MEGF10: variants seen among roughly 807,000 people sequenced by gnomAD.
The protein encoded by MEGF10 is multiple EGF like domains 10.
Under a neutral mutation model 147.5 loss-of-function variants are expected in MEGF10, and 86 were observed. The ratio of observed to expected loss-of-function variants is 0.58; its 90% CI spans 0.49 to 0.70. The LOEUF is 0.70. MEGF10 is among the 30% of genes least tolerant of loss of function. The pLI, the probability that MEGF10 is intolerant of heterozygous loss-of-function variation, is 0.00. For synonymous variants in MEGF10, 478 were observed against 525.5 expected, an observed-to-expected ratio of 0.91 and a Z score of 1.24; for missense variants, 1,329 against 1,487.3, an observed-to-expected ratio of 0.89 and a Z score of 1.75.
At chr5:127,235,463 C>G in the MEGF10 span, among the ~76,000 whole-genome samples, 1 of 152,224 alleles carries the variant, frequency 6.6e-6, no homozygotes, top group African/African-American at 2.4e-5. Flanking sequence ...CTCTCTAATC[C>G]ATTGCTACCC....
the MEGF10 span, among the ~76,000 whole-genome samples, chr5:127,236,540 A>C: frequency 6.6e-6 from 1 of 152,188 alleles, no homozygotes; most frequent in Non-Finnish European, 1.5e-5. Context: ...CTCTAGACTC[A>C]TCTCCTACCC....
At chr5:127,418,039 A>C (rs1038391611) in intron 10 of MEGF10, among the ~76,000 whole-genome samples, 1 of 152,046 alleles carries the variant, frequency 6.6e-6, no homozygotes, top group Non-Finnish European at 1.5e-5. Flanking sequence ...ATTAATTTTT[A>C]ATATAAACAC....
chr5:127,352,688 C>T (rs887318948), intron 4 of MEGF10, among the ~76,000 whole-genome samples: 2 of 151,850 alleles, frequency 1.3e-5, no homozygotes, highest in African/African-American at 2.4e-5. Flanking sequence ...AAAAAAAAAG[C>T]GTTTATTTAC....
At chr5:127,370,139 C>G (rs115528198) in intron 5 of MEGF10, 137 bp downstream of exon 5, 37 of 562,574 alleles carry the variant, frequency 6.6e-5, no homozygotes, top group Non-Finnish European at 1.0e-4. Flanking sequence ...CCAACTCAGT[C>G]ATACAGTTTC....
chr5:127,339,059 T>C, intron 2 of MEGF10, 61 bp from the exon 3 acceptor site: 1 of 1,035,386 alleles, frequency 9.7e-7, no homozygotes, highest in South Asian at 1.7e-5. Flanking sequence ...TTTAAATACA[T>C]AGTATATTAT....
intron 8 of MEGF10, chr5:127,409,977 T>A: frequency 5.9e-6 from 1 of 169,402 alleles, no homozygotes; most frequent in Non-Finnish European, 1.3e-5. Context: ...TGACACAGAG[T>A]TTTCTCTTTG....
At chr5:127,245,378 A>AT in the MEGF10 span, among the ~76,000 whole-genome samples, 1 of 152,216 alleles carries the variant, frequency 6.6e-6, no homozygotes, top group South Asian at 2.1e-4. Context: ...TATTTAATAG[A>AT]TGGTGTTGGG....
chr5:127,345,481 A>C lies in MEGF10; in HGVS notation c.319+4851A>C, dbSNP rs2126809923. On this transcript the variant is annotated intron_variant, in intron 4 of 24. Coordinates refer to ENST00000503335, the MANE Select transcript of MEGF10 (RefSeq NM_001256545.2). ...GAGTGTGGGCAACAGTGTGGTTAGAAGCCTTTTCTTAGAATGTGATTAGAA... is the reference window on the plus strand; with the variant it reads ...GAGTGTGGGCAACAGTGTGGTTAGACGCCTTTTCTTAGAATGTGATTAGAA... 2.6e-5 allele frequency among the ~76,000 whole-genome samples: 4 copies of C among 152,288 alleles called. No homozygotes were observed. The Middle Eastern group carries it at 0.01, about 388-fold the overall frequency.
chr5:127,333,920 T>C (rs1480912967), intron 2 of MEGF10, among the ~76,000 whole-genome samples: 3 of 152,228 alleles, frequency 2.0e-5, no homozygotes, highest in South Asian at 4.1e-4. Context: ...GGAAATTGAA[T>C]GTGAACAAAT....
the MEGF10 span, among the ~76,000 whole-genome samples, chr5:127,246,886 T>G: frequency 2.8e-5 from 4 of 144,014 alleles, no homozygotes; most frequent in Non-Finnish European, 6.0e-5. Flanking sequence ...ATAGTATATA[T>G]TATACAATAA....
At chr5:127,269,500 T>A in the MEGF10 span, among the ~76,000 whole-genome samples, 1 of 152,162 alleles carries the variant, frequency 6.6e-6, no homozygotes, top group South Asian at 2.1e-4. Flanking sequence ...TGATGGAAGA[T>A]CAAATGAATG....
At chr5:127,404,076 C>T (rs1764234594) in intron 8 of MEGF10, among the ~76,000 whole-genome samples, 1 of 152,086 alleles carries the variant, frequency 6.6e-6, no homozygotes, top group Admixed American at 6.5e-5. Context: ...ACAAGGGTTC[C>T]GTTTTCTCTG....
At chr5:127,399,654 C>T (rs1404330511) in intron 7 of MEGF10, among the ~76,000 whole-genome samples, 5 of 152,162 alleles carry the variant, frequency 3.3e-5, no homozygotes, top group Non-Finnish European at 4.4e-5. Flanking sequence ...TCTCATTCAG[C>T]TTCATTTCTC....
chr5:127,278,133 T>C, the MEGF10 span, among the ~76,000 whole-genome samples: 1 of 152,012 alleles, frequency 6.6e-6, no homozygotes, highest in African/African-American at 2.4e-5. Context: ...ACCTGGGCAC[T>C]TCAAAATTTA....
chr5:127,355,134 G>A (rs774641091), intron 4 of MEGF10, among the ~76,000 whole-genome samples: 1 of 152,092 alleles, frequency 6.6e-6, no homozygotes, highest in Non-Finnish European at 1.5e-5. Context: ...GTTAGCCTTC[G>A]GCAGAGGTCT....
At position 127,310,193 on chromosome 5, in the gene MEGF10, A is replaced by G. The variant is rs183023185; in HGVS notation, c.-19+19137A>G. ...GTGATACGGCCTTTTTTAAATGTGC[A>G]TATTGGCCATTGGTATATCTTCTTT... On this transcript the variant is annotated intron_variant, in intron 1 of 24. Coordinates refer to ENST00000503335, the MANE Select transcript of MEGF10 (RefSeq NM_001256545.2). Among the ~76,000 whole-genome samples the G allele has an allele frequency of 1.2e-4, 18 of 151,520 alleles. No individual in the cohort carries two copies. The East Asian group carries it at 2.9e-3, about 24-fold the overall frequency.
chr5:127,393,846 G>C (rs1237446666), intron 5 of MEGF10, among the ~76,000 whole-genome samples: 3 of 147,106 alleles, frequency 2.0e-5, no homozygotes, highest in Non-Finnish European at 4.5e-5. Flanking sequence ...CTAATCCTAA[G>C]AAAACAGAGC....
At position 127,459,930 on chromosome 5, in the gene MEGF10, G is replaced by C. The variant is rs1766503180; in HGVS notation, c.*2612G>C. The C allele has an allele frequency of 6.6e-6, 1 of 152,168 alleles. No individual in the cohort carries two copies. Among genetic ancestry groups the C allele is most frequent in the Admixed American group, 6.5e-5 (1 of 15,272 alleles). The allele number at this position is 152,168 out of a possible 1,614,324, so 9.4% of individuals were successfully genotyped here. ...AAGAAAGGAATACTTTTGTTAGAAT[G>C]AGAATTAAAGAGAAAACAAAAGAAT... On this transcript the variant is annotated 3_prime_UTR_variant, in exon 25 of 25. Coordinates refer to ENST00000503335, the MANE Select transcript of MEGF10 (RefSeq NM_001256545.2).
At chr5:127,451,478 T>C (rs1385207117) in intron 22 of MEGF10, among the ~76,000 whole-genome samples, 1 of 152,234 alleles carries the variant, frequency 6.6e-6, no homozygotes, top group Non-Finnish European at 1.5e-5. Context: ...AGACTCACAA[T>C]ATGCTTATTG....
Sources: gnomAD v4.1 joint callset for allele counts (sites outside exome capture counted in the v4.1 genomes callset) on GRCh38, gnomAD v4.1.1 for gene constraint, MANE v1.5 for transcripts, NCBI Gene and HGNC (gene_info 2026-07-23, HGNC 2026-07-21) for gene names.